The following KIF5C variants were observed in gnomAD, a reference collection of about 807,000 sequenced individuals.
The protein encoded by KIF5C is kinesin family member 5C, also known as kinesin heavy chain isoform 5C.
KIF5C carries 18 observed loss-of-function variants against 125.2 expected under a neutral mutation model. The observed-to-expected ratio is 0.14, with a 90% CI of 0.10 to 0.21. The LOEUF is 0.21. Among genes scored for constraint, KIF5C ranks in the 10% least tolerant of loss-of-function variants. The pLI is 1.00. For missense variants in KIF5C, 780 were observed against 1,183.8 expected (o/e 0.66, Z 5.01); for synonymous variants, 405 against 434.0 (o/e 0.93, Z 0.83).
chr2:148,911,466 T>C (rs554225522), intron 1 of KIF5C, among the ~76,000 whole-genome samples: 1 of 152,188 alleles, frequency 6.6e-6, no homozygotes, highest in South Asian at 2.1e-4. Flanking sequence ...AATTGAAGAT[T>C]AAGAGGCCAT....
At chr2:148,983,510 A>G in intron 14 of KIF5C, 110 bp from the exon 15 acceptor site, 2 of 1,357,476 alleles carry the variant, frequency 1.5e-6, no homozygotes, top group East Asian at 2.5e-5. Context: ...TCTTAGGTTG[A>G]AGTCATGTAA....
At chr2:148,998,657 G>A in intron 19 of KIF5C, 148 bp downstream of exon 19, 1 of 1,305,098 alleles carries the variant, frequency 7.7e-7, no homozygotes, top group Non-Finnish European at 1.0e-6. Context: ...TGGGCGGGCT[G>A]CTTCCAAGGT....
intron 10 of KIF5C, among the ~76,000 whole-genome samples, chr2:148,953,963 G>C (rs554872398): frequency 1.3e-4 from 20 of 152,196 alleles, no homozygotes; most frequent in African/African-American, 4.6e-4. Flanking sequence ...CATGTGCTAT[G>C]GTGGTTTGCT....
chr2:148,921,486 T>G (rs933657515), intron 1 of KIF5C, among the ~76,000 whole-genome samples: 10 of 152,350 alleles, frequency 6.6e-5, no homozygotes, highest in African/African-American at 2.4e-4. Context: ...CTTGGCTAAC[T>G]GTGCCCTGCA....
rs985815348 is a variant in KIF5C at position 149,025,958 on chromosome 2, A to T, written c.*2888A>T. ...AATCGTGATTAAGAAATCAGAATTT[A>T]TAGATATATTGGGATAAATGAAGAA... On this transcript the variant is annotated 3_prime_UTR_variant, in exon 26 of 26. Coordinates refer to ENST00000435030, the MANE Select transcript of KIF5C (RefSeq NM_004522.3). 5 of 152,684 alleles carry T rather than the reference A, an allele frequency of 3.3e-5. No individual in the cohort carries two copies. Among genetic ancestry groups the T allele is most frequent in the Non-Finnish European group, 2.9e-5 (2 of 68,048 alleles). The allele number at this position is 152,684 out of a possible 1,614,324, so 9.5% of individuals were successfully genotyped here. A position where few individuals can be genotyped will look rare whatever the true frequency, so the allele number is the denominator to read the frequency against.
At chr2:149,019,873 C>T (rs1055020720) in intron 25 of KIF5C, among the ~76,000 whole-genome samples, 1 of 152,198 alleles carries the variant, frequency 6.6e-6, no homozygotes, top group Non-Finnish European at 1.5e-5. Context: ...TTAGCTTTCC[C>T]CACCCCTTCT....
At chr2:149,011,417 T>C (rs1682192256) in intron 24 of KIF5C, among the ~76,000 whole-genome samples, 153 bp from the exon 25 acceptor site, 1 of 152,268 alleles carries the variant, frequency 6.6e-6, no homozygotes, top group Admixed American at 6.5e-5. Context: ...CTGATAGTTT[T>C]CCCATTTTCA....
chr2:149,002,696 ACT>A (rs1681887178), intron 21 of KIF5C, among the ~76,000 whole-genome samples: 1 of 151,504 alleles, frequency 6.6e-6, no homozygotes, highest in Non-Finnish European at 1.5e-5. Context: ...GTCTCAGGAC[ACT>A]CCCCCTCACA....
At chr2:148,972,663 G>A (rs532924489) in intron 11 of KIF5C, among the ~76,000 whole-genome samples, 1 of 152,352 alleles carries the variant, frequency 6.6e-6, no homozygotes, top group South Asian at 2.1e-4. Flanking sequence ...TAGATTGGCT[G>A]CTTTTCTTTC....
At position 149,025,553 on chromosome 2, in the gene KIF5C, A is replaced by C. The variant is rs1233670660; in HGVS notation, c.*2483A>C. On this transcript the variant is annotated 3_prime_UTR_variant, in exon 26 of 26. Transcript: ENST00000435030. ...TAAAAACCACACTTCTGAACAACTA[A>C]GCTCATGAATATGATTTTGGTTATA... 1 of 152,294 alleles carries C rather than the reference A, an allele frequency of 6.6e-6. No individual in the cohort carries two copies. Among genetic ancestry groups the C allele is most frequent in the East Asian group, 1.9e-4 (1 of 5,204 alleles). The allele number at this position is 152,294 out of a possible 1,614,324, so 9.4% of individuals were successfully genotyped here.
chr2:148,937,165 C>G, intron 3 of KIF5C, 119 bp from the exon 4 acceptor site: 6 of 1,414,098 alleles, frequency 4.2e-6, no homozygotes, highest in Non-Finnish European at 5.6e-6. Flanking sequence ...CTGGCAGGCA[C>G]ACGTGGGTGC....
At chr2:148,977,488 C>T (rs1288658376) in intron 12 of KIF5C, among the ~76,000 whole-genome samples, 1 of 152,206 alleles carries the variant, frequency 6.6e-6, no homozygotes, top group Non-Finnish European at 1.5e-5. Flanking sequence ...AAAATCGTTA[C>T]TGGTAACTGA....
rs765016906 is a variant in KIF5C, at chr2:148,885,959, TC to T, written c.126+10217del. The T allele has an allele frequency of 3.3e-5, 5 of 152,334 alleles. No individual in the cohort carries two copies. The East Asian group carries it at 9.7e-4, about 29-fold the overall frequency. 9.4% of individuals were successfully genotyped at this position (152,334 alleles called of 1,614,324 possible). A position where few individuals can be genotyped will look rare whatever the true frequency, so the allele number is the denominator to read the frequency against. On this transcript the variant is annotated intron_variant, in intron 1 of 25. Transcript: ENST00000435030. ...TTCCAGGTCTTATTTTGCCAAGCAG[TC>T]GGCTTCAATTCTCTGAGGAGATTAT...
intron 2 of KIF5C, among the ~76,000 whole-genome samples, chr2:148,927,233 C>G (rs1347580848): frequency 2.6e-5 from 4 of 152,094 alleles, no homozygotes; most frequent in African/African-American, 2.4e-5. Context: ...GGATGAGACC[C>G]GGGAGGCCTC....
chr2:148,949,699 T>C (rs1490283048), intron 8 of KIF5C, 140 bp from the exon 9 acceptor site: 5 of 1,221,082 alleles, frequency 4.1e-6, no homozygotes, highest in East Asian at 2.6e-5. Flanking sequence ...GATGGTTTTT[T>C]ATCACTGTGG....
intron 4 of KIF5C, among the ~76,000 whole-genome samples, chr2:148,939,249 G>A (rs1186314166): frequency 1.3e-5 from 2 of 152,130 alleles, no homozygotes; most frequent in Non-Finnish European, 2.9e-5. Flanking sequence ...TATACCTTTC[G>A]TAAATGACAT....
rs1436100110 is a variant in KIF5C at position 149,024,594 on chromosome 2, C to T, written c.*1524C>T. ...TAAAGTGCTAAGAACTGTGCATTGACATCCAAACATTTCTTGTACAAAATT... is the reference window on the plus strand; with the variant it reads ...TAAAGTGCTAAGAACTGTGCATTGATATCCAAACATTTCTTGTACAAAATT... On this transcript the variant is annotated 3_prime_UTR_variant, in exon 26 of 26. Coordinates refer to ENST00000435030, the MANE Select transcript of KIF5C (RefSeq NM_004522.3). 6.6e-6 allele frequency: 1 copy of T among 151,322 alleles called. No individual in the cohort carries two copies. The highest frequency in any genetic ancestry group is 1.5e-5 in the Non-Finnish European group (1 of 67,790). The allele number at this position is 151,322 out of a possible 1,614,324, so 9.4% of individuals were successfully genotyped here. A position where few individuals can be genotyped will look rare whatever the true frequency, so the allele number is the denominator to read the frequency against.
Position 148,875,608 on chromosome 2 carries a change from G to T in KIF5C, c.-10G>T. On this transcript the variant is annotated 5_prime_UTR_variant, in exon 1 of 26. Transcript: ENST00000435030. ...CCCATCCCCGTGCCCCCTCCCTACC[G>T]CCGGCCGAGATGGCGGATCCAGCCG... 2 of 512,062 alleles carry T rather than the reference G, an allele frequency of 3.9e-6. No homozygotes were observed. The highest frequency in any genetic ancestry group is 5.6e-6 in the Non-Finnish European group (2 of 359,628). 31.7% of individuals were successfully genotyped at this position (512,062 alleles called of 1,614,324 possible).
At chr2:148,945,424 C>T (rs1682499746) in intron 7 of KIF5C, among the ~76,000 whole-genome samples, 1 of 152,154 alleles carries the variant, frequency 6.6e-6, no homozygotes, top group Non-Finnish European at 1.5e-5. Context: ...TCTTGACACT[C>T]TTGTTGAAAA....
Sources: allele counts gnomAD v4.1 joint callset (sites outside exome capture counted in the v4.1 genomes callset), GRCh38; gene constraint gnomAD v4.1.1; transcripts MANE v1.5; gene names NCBI Gene and HGNC (gene_info 2026-07-23, HGNC 2026-07-21).